The following NCKAP5 variants were observed in gnomAD, a reference collection of about 807,000 sequenced individuals.
NCKAP5 encodes the protein NCK associated protein 5.
In NCKAP5, 92 loss-of-function variants were observed where a neutral mutation model predicts 167.0. That is an observed-to-expected ratio of 0.55 (90% CI 0.47 to 0.66). The LOEUF is 0.66. Ranked by LOEUF, NCKAP5 falls within the 30% of genes least tolerant of loss-of-function variation. The pLI is 0.00. For synonymous variants in NCKAP5, 891 were observed against 877.4 expected, an observed-to-expected ratio of 1.02 and a Z score of -0.27; for missense variants, 2,378 against 2,315.0, an observed-to-expected ratio of 1.03 and a Z score of -0.56.
Position 133,473,256 on chromosome 2 carries a change from C to T in NCKAP5, c.69+44202G>A, listed in dbSNP as rs187670981. Among the ~76,000 whole-genome samples the T allele has an allele frequency of 9.5e-4, 144 of 151,880 alleles. 2 individuals are homozygous for T. Among genetic ancestry groups the T allele is most frequent in the African/African-American group, 3.3e-3 (135 of 41,362 alleles). ...CTGAGGTAGGAGAATCGCTTGAACC[C>T]GGGAGTCAGAGGTTGCAGTGAGCCG... is the stretch of plus-strand genomic sequence containing the variant. On this transcript the variant is annotated intron_variant, in intron 3 of 19. Coordinates refer to ENST00000409261, the MANE Select transcript of NCKAP5 (RefSeq NM_207363.3).
At chr2:132,818,637 G>A (rs1686471121) in intron 11 of NCKAP5, among the ~76,000 whole-genome samples, 1 of 152,196 alleles carries the variant, frequency 6.6e-6, no homozygotes, top group African/African-American at 2.4e-5. Flanking sequence ...GCAGTGAGCC[G>A]AGATTGTGCC....
At chr2:133,621,347 A>C in the NCKAP5 span, among the ~76,000 whole-genome samples, 1 of 152,192 alleles carries the variant, frequency 6.6e-6, no homozygotes, top group Non-Finnish European at 1.5e-5. Flanking sequence ...TGGTTCTTTG[A>C]AAAGATAAAT....
At chr2:133,059,569 A>T (rs569741761) in intron 6 of NCKAP5, among the ~76,000 whole-genome samples, 1 of 151,842 alleles carries the variant, frequency 6.6e-6, no homozygotes, top group Non-Finnish European at 1.5e-5. Context: ...GCTACTCAGG[A>T]GGCTTTGGTG....
the NCKAP5 span, among the ~76,000 whole-genome samples, chr2:133,584,614 A>G: frequency 6.6e-6 from 1 of 152,112 alleles, no homozygotes; most frequent in Admixed American, 6.6e-5. Context: ...ATATACAAAA[A>G]TTAGCTGGGC....
intron 6 of NCKAP5, among the ~76,000 whole-genome samples, chr2:133,025,826 T>A (rs924991864): frequency 1.1e-4 from 16 of 152,310 alleles, no homozygotes; most frequent in East Asian, 3.9e-4. Flanking sequence ...CATATTATTT[T>A]AAAAAATTTT....
At chr2:133,315,659 G>T (rs1681553010) in intron 3 of NCKAP5, among the ~76,000 whole-genome samples, 1 of 151,410 alleles carries the variant, frequency 6.6e-6, no homozygotes, top group Non-Finnish European at 1.5e-5. Flanking sequence ...ATGAAGGAGA[G>T]GCCAGTGAGG....
the NCKAP5 span, among the ~76,000 whole-genome samples, chr2:133,621,400 A>G: frequency 2.6e-5 from 4 of 152,200 alleles, no homozygotes; most frequent in African/African-American, 9.6e-5. Flanking sequence ...GAAAGGAGAA[A>G]GAAGATCCAA....
intron 2 of NCKAP5, among the ~76,000 whole-genome samples, chr2:133,547,598 G>T (rs1414120014): frequency 1.3e-5 from 2 of 151,314 alleles, no homozygotes; most frequent in African/African-American, 2.4e-5. Flanking sequence ...TAACTGGGAG[G>T]CACCCCCCAG....
chr2:133,108,133 G>T (rs1419508979), intron 6 of NCKAP5, among the ~76,000 whole-genome samples: 2 of 152,142 alleles, frequency 1.3e-5, no homozygotes, highest in Non-Finnish European at 2.9e-5. Context: ...CTGTGATCCA[G>T]AGTTCTGATT....
intron 16 of NCKAP5, 94 bp from the exon 17 acceptor site, chr2:132,732,145 G>A: frequency 8.4e-7 from 1 of 1,195,712 alleles, no homozygotes. Flanking sequence ...TGGAGGAAAG[G>A]AGACACCTAG....
At chr2:133,591,677 C>A in the NCKAP5 span, among the ~76,000 whole-genome samples, 1 of 152,138 alleles carries the variant, frequency 6.6e-6, no homozygotes, top group Non-Finnish European at 1.5e-5. Context: ...CACCTGGATC[C>A]CACCTTAGAA....
intron 8 of NCKAP5, chr2:132,930,655 T>C (rs1239084021): frequency 1.3e-5 from 2 of 152,266 alleles, no homozygotes; most frequent in Admixed American, 6.5e-5. Context: ...GTTTTCCAGC[T>C]GCAGATGGCA....
chr2:133,398,095 G>A (rs1366592699), intron 3 of NCKAP5, among the ~76,000 whole-genome samples: 3 of 152,020 alleles, frequency 2.0e-5, no homozygotes, highest in Non-Finnish European at 4.4e-5. Flanking sequence ...GCAAAGCCAT[G>A]GAAAACGTAC....
chr2:132,914,603 G>A (rs1694718849), intron 8 of NCKAP5, among the ~76,000 whole-genome samples: 1 of 151,986 alleles, frequency 6.6e-6, no homozygotes, highest in Non-Finnish European at 1.5e-5. Context: ...GTAGGGCCAG[G>A]AGAGAACTGA....
intron 4 of NCKAP5, among the ~76,000 whole-genome samples, chr2:133,254,569 G>GATA (rs2088521504): frequency 6.6e-6 from 1 of 152,150 alleles, no homozygotes; most frequent in Non-Finnish European, 1.5e-5. Flanking sequence ...TTCAGCAACA[G>GATA]ATAATATCAA....
At chr2:132,823,654 C>A (rs1686922914) in intron 11 of NCKAP5, among the ~76,000 whole-genome samples, 1 of 151,428 alleles carries the variant, frequency 6.6e-6, no homozygotes, top group South Asian at 2.1e-4. Flanking sequence ...GAAAAAAAAC[C>A]CAAGGTATTA....
chr2:132,823,863 T>C (rs973334933), intron 11 of NCKAP5, among the ~76,000 whole-genome samples: 11 of 151,812 alleles, frequency 7.2e-5, no homozygotes, highest in African/African-American at 2.7e-4. Context: ...GGTGGAAAAA[T>C]ATACTCCATG....
chr2:133,610,496 A>G, the NCKAP5 span, among the ~76,000 whole-genome samples: 19 of 152,142 alleles, frequency 1.2e-4, no homozygotes, highest in Non-Finnish European at 2.5e-4. Context: ...CCATAATGTC[A>G]TGGAACATAA....
intron 2 of NCKAP5, among the ~76,000 whole-genome samples, chr2:133,539,744 G>C (rs1205718118): frequency 1.3e-5 from 2 of 152,092 alleles, no homozygotes; most frequent in Non-Finnish European, 2.9e-5. Flanking sequence ...AAAGCACAGA[G>C]AGAAAAGTTG....
Sources: allele counts gnomAD v4.1 joint callset (sites outside exome capture counted in the v4.1 genomes callset), GRCh38; gene constraint gnomAD v4.1.1; transcripts MANE v1.5; gene names NCBI Gene and HGNC (gene_info 2026-07-23, HGNC 2026-07-21).